The following TMOD3 variants were observed in gnomAD, a reference collection of about 807,000 sequenced individuals.
The protein encoded by TMOD3 is tropomodulin 3.
A neutral mutation model predicts 39.2 loss-of-function variants in TMOD3; 20 were observed. The observed-to-expected ratio is 0.51, with a 90% CI of 0.36 to 0.74. The LOEUF is 0.74. Among genes scored for constraint, TMOD3 ranks in the 30% least tolerant of loss-of-function variants. The pLI is 0.00. For missense variants in TMOD3, 381 were observed against 412.8 expected (o/e 0.92, Z 0.67); for synonymous variants, 143 against 145.8 (o/e 0.98, Z 0.14).
chr15:51,883,688 C>T (rs992136902), intron 3 of TMOD3, among the ~76,000 whole-genome samples: 4 of 152,150 alleles, frequency 2.6e-5, no homozygotes, highest in African/African-American at 4.8e-5. Context: ...TTAAAAAATT[C>T]AGCTGCCCAT....
chr15:51,893,316 AAAAAAAATT>A (rs2056603968), intron 5 of TMOD3, among the ~76,000 whole-genome samples: 1 of 150,826 alleles, frequency 6.6e-6, no homozygotes, highest in Non-Finnish European at 1.5e-5. Flanking sequence ...AAAAAAAAAA[AAAAAAAATT>A]AAATAAATAA....
intron 7 of TMOD3, among the ~76,000 whole-genome samples, chr15:51,898,092 C>G (rs2056630636): frequency 6.6e-6 from 1 of 152,170 alleles, no homozygotes; most frequent in Non-Finnish European, 1.5e-5. Flanking sequence ...TAGCAGCTTC[C>G]CATCTCATTA....
chr15:51,898,482 G>C (rs1047408741), intron 7 of TMOD3, among the ~76,000 whole-genome samples: 4 of 152,068 alleles, frequency 2.6e-5, no homozygotes, highest in African/African-American at 9.7e-5. Flanking sequence ...TCCCTCCCCA[G>C]CTAGAATGAA....
chr15:51,861,288 G>T, intron 1 of TMOD3: 1 of 377,704 alleles, frequency 2.6e-6, no homozygotes, highest in Non-Finnish European at 5.2e-6. Flanking sequence ...AATTATCTCT[G>T]CCATGAGGTC....
At chr15:51,876,068 A>C (rs910512979) in intron 3 of TMOD3, among the ~76,000 whole-genome samples, 1 of 152,196 alleles carries the variant, frequency 6.6e-6, no homozygotes, top group Non-Finnish European at 1.5e-5. Flanking sequence ...TATAAAACCT[A>C]CTTTGCCTGA....
intron 5 of TMOD3, among the ~76,000 whole-genome samples, chr15:51,893,450 A>T (rs1292499893): frequency 6.6e-6 from 1 of 151,466 alleles, no homozygotes; most frequent in African/African-American, 2.4e-5. Flanking sequence ...TTACCAAGTC[A>T]ATTATCTGCA....
intron 2 of TMOD3, among the ~76,000 whole-genome samples, 198 bp from the exon 3 acceptor site, chr15:51,869,019 G>A (rs78013728): frequency 0.031 from 4,741 of 152,252 alleles, 117 homozygotes; most frequent in Non-Finnish European, 0.05. Context: ...TAATAATAAT[G>A]TAAGTGAATT....
At chr15:51,836,057 A>G (rs1490026862) in intron 1 of TMOD3, among the ~76,000 whole-genome samples, 1 of 152,170 alleles carries the variant, frequency 6.6e-6, no homozygotes, top group African/African-American at 2.4e-5. Flanking sequence ...CAAAGACAGG[A>G]TTACCTTTCT....
At chr15:51,883,481 T>G (rs1010498899) in intron 3 of TMOD3, among the ~76,000 whole-genome samples, 1 of 152,148 alleles carries the variant, frequency 6.6e-6, no homozygotes, top group Non-Finnish European at 1.5e-5. Context: ...AAGTAAAAAT[T>G]GTGTTGTTTA....
At chr15:51,861,222 A>G (rs1472905512) in intron 1 of TMOD3, 1 of 449,572 alleles carries the variant, frequency 2.2e-6, no homozygotes, top group South Asian at 1.9e-5. Context: ...ATGACTGAAC[A>G]GTCCAATGTG....
At chr15:51,851,244 T>A (rs1353970759) in intron 1 of TMOD3, among the ~76,000 whole-genome samples, 5 of 152,236 alleles carry the variant, frequency 3.3e-5, no homozygotes, top group African/African-American at 1.2e-4. Flanking sequence ...ATCACTACGG[T>A]TCCTGGGTGC....
intron 3 of TMOD3, among the ~76,000 whole-genome samples, chr15:51,877,457 A>C: frequency 6.6e-6 from 1 of 152,146 alleles, no homozygotes; most frequent in Non-Finnish European, 1.5e-5. Flanking sequence ...AGGCAGGTGG[A>C]TCACGAGGTC....
chr15:51,897,641 C>T (rs1294772320), intron 7 of TMOD3, among the ~76,000 whole-genome samples: 3 of 151,288 alleles, frequency 2.0e-5, no homozygotes, highest in African/African-American at 7.3e-5. Flanking sequence ...TGCGCCACCA[C>T]GCCTGGCTAA....
chr15:51,894,414 G>A (rs2056610696), intron 6 of TMOD3, among the ~76,000 whole-genome samples: 1 of 151,978 alleles, frequency 6.6e-6, no homozygotes, highest in Admixed American at 6.5e-5. Context: ...AATAAAACCT[G>A]TTTTTTTGAG....
chr15:51,890,339 T>A (rs1344327473), intron 5 of TMOD3, among the ~76,000 whole-genome samples: 1 of 144,406 alleles, frequency 6.9e-6, no homozygotes, highest in Non-Finnish European at 1.5e-5. Flanking sequence ...TCCAGCTAAT[T>A]TTTTTTTTTT....
At chr15:51,904,992 T>G (rs1367737401) in intron 9 of TMOD3, among the ~76,000 whole-genome samples, 5 of 152,196 alleles carry the variant, frequency 3.3e-5, no homozygotes, top group African/African-American at 1.2e-4. Context: ...CCAAACTAGA[T>G]TTTCAAACGT....
intron 1 of TMOD3, among the ~76,000 whole-genome samples, chr15:51,848,706 T>A (rs2056347313): frequency 6.6e-6 from 1 of 152,256 alleles, no homozygotes; most frequent in South Asian, 2.1e-4. Flanking sequence ...ACTATTAATA[T>A]GTGTCAACAC....
At chr15:51,908,124 C>T (rs2056691555) in intron 9 of TMOD3, among the ~76,000 whole-genome samples, 3 of 152,234 alleles carry the variant, frequency 2.0e-5, no homozygotes, top group Admixed American at 2.0e-4. Context: ...TATTCTTTTA[C>T]AGCCTAAGGA....
chr15:51,868,487 T>C (rs560511604), intron 2 of TMOD3, among the ~76,000 whole-genome samples: 4 of 152,326 alleles, frequency 2.6e-5, no homozygotes, highest in African/African-American at 9.6e-5. Context: ...GCTTTATATG[T>C]CCTTGTGTTC....
Sources: gnomAD v4.1 joint callset for allele counts (sites outside exome capture counted in the v4.1 genomes callset) on GRCh38, gnomAD v4.1.1 for gene constraint, MANE v1.5 for transcripts, NCBI Gene and HGNC (gene_info 2026-07-23, HGNC 2026-07-21) for gene names.